The following RAD54L2 variants were observed in gnomAD, a reference collection of about 807,000 sequenced individuals.
RAD54L2 encodes the protein helicase ARIP4.
A neutral mutation model predicts 138.4 loss-of-function variants in RAD54L2; 27 were observed. The observed-to-expected ratio is 0.20, with a 90% CI of 0.14 to 0.27. The LOEUF (loss-of-function observed/expected upper bound fraction) is 0.27. RAD54L2 is among the 10% of genes least tolerant of loss of function. The pLI, the probability that RAD54L2 is intolerant of heterozygous loss-of-function variation, is 1.00. For missense variants in RAD54L2, 1,396 were observed against 1,890.2 expected, an observed-to-expected ratio of 0.74 and a Z score of 4.85; for synonymous variants, 644 against 723.2, an observed-to-expected ratio of 0.89 and a Z score of 1.76.
chr3:51,659,049 A>G (rs1044171804), intron 21 of RAD54L2, among the ~76,000 whole-genome samples: 1 of 151,590 alleles, frequency 6.6e-6, no homozygotes, highest in Non-Finnish European at 1.5e-5. Flanking sequence ...AGGAGTTACA[A>G]TAGAGACCTT....
intron 2 of RAD54L2, among the ~76,000 whole-genome samples, chr3:51,564,567 A>G (rs1175900464): frequency 2.6e-5 from 4 of 152,208 alleles, no homozygotes; most frequent in East Asian, 3.8e-4. Flanking sequence ...CAGTATTACT[A>G]GGATTCAGCA....
At chr3:51,564,609 T>TA (rs1476764756) in intron 2 of RAD54L2, among the ~76,000 whole-genome samples, 2 of 152,162 alleles carry the variant, frequency 1.3e-5, no homozygotes, top group Non-Finnish European at 1.5e-5. Context: ...GGCTTAACTA[T>TA]ATAGCCTGTT....
Position 51,667,734 on chromosome 3 carries a change from C to T in RAD54L2, c.*4314C>T, listed in dbSNP as rs1479428996. 1 of 152,322 alleles carries T rather than the reference C, an allele frequency of 6.6e-6. No individual in the cohort carries two copies. The highest frequency in any genetic ancestry group is 1.5e-5 in the Non-Finnish European group (1 of 68,094). 9.4% of individuals were successfully genotyped at this position (152,322 alleles called of 1,614,324 possible). On this transcript the variant is annotated 3_prime_UTR_variant, in exon 23 of 23. Transcript: ENST00000684192. Reference sequence around the variant, plus strand: ...TCTGCCCTGTGTATTCTGCTGTGATCCCCTTAACGGCTTTTCTGTGCTACT... The same window carrying T: ...TCTGCCCTGTGTATTCTGCTGTGATTCCCTTAACGGCTTTTCTGTGCTACT...
At chr3:51,572,895 C>T (rs771317720) in intron 2 of RAD54L2, among the ~76,000 whole-genome samples, 6 of 151,834 alleles carry the variant, frequency 4.0e-5, no homozygotes, top group Admixed American at 1.3e-4. Flanking sequence ...GCCTCAGCCT[C>T]CCAAAGTGCT....
chr3:51,613,022 C>T (rs1700364614), intron 3 of RAD54L2, among the ~76,000 whole-genome samples: 3 of 152,132 alleles, frequency 2.0e-5, no homozygotes, highest in South Asian at 4.2e-4. Context: ...TCACTGCAAG[C>T]TCTGCCTCCC....
At chr3:51,546,652 A>C (rs1273780638) in intron 2 of RAD54L2, among the ~76,000 whole-genome samples, 2 of 152,238 alleles carry the variant, frequency 1.3e-5, no homozygotes, top group African/African-American at 4.8e-5. Flanking sequence ...AAAACAAAAA[A>C]CAAAAAACAC....
At chr3:51,593,428 G>A (rs1699883309) in intron 3 of RAD54L2, among the ~76,000 whole-genome samples, 3 of 151,552 alleles carry the variant, frequency 2.0e-5, no homozygotes, top group South Asian at 4.2e-4. Context: ...TTCCTCCCAG[G>A]TTTACGCCAT....
At chr3:51,624,157 TG>T (rs1453532957) in intron 3 of RAD54L2, among the ~76,000 whole-genome samples, 1 of 151,890 alleles carries the variant, frequency 6.6e-6, no homozygotes, top group Non-Finnish European at 1.5e-5. Context: ...GTTTTTTGTT[TG>T]TTTGTTTGTT....
chr3:51,629,254 G>A, intron 4 of RAD54L2, 80 bp from the exon 5 acceptor site: 2 of 1,442,212 alleles, frequency 1.4e-6, no homozygotes, highest in Admixed American at 2.1e-5. Flanking sequence ...ATCATCAATG[G>A]CTATTTCTCT....
Position 51,637,584 on chromosome 3 carries a change from TAGGGTGTTGGAGTAGG to T in RAD54L2, c.1682+86_1682+101del. On this transcript the variant is annotated intron_variant, in intron 11 of 22. Coordinates refer to ENST00000684192, the MANE Select transcript of RAD54L2 (RefSeq NM_015106.4). The surrounding 1 kb of genome is among the most constrained non-coding windows in gnomAD (Gnocchi z 5.9). ...GGCATGCCAAACCTGTTATACAGGATAGGGTGTTGGAGTAGGAGGGCCCCTTCCCTGGGGCAGTAGT... is the reference window on the plus strand; with the variant it reads ...GGCATGCCAAACCTGTTATACAGGATAGGGCCCCTTCCCTGGGGCAGTAGT... The T allele has an allele frequency of 7.1e-7, 1 of 1,399,976 alleles. No homozygotes were observed. 86.7% of individuals were successfully genotyped at this position (1,399,976 alleles called of 1,614,324 possible). A position where few individuals can be genotyped will look rare whatever the true frequency, so the allele number is the denominator to read the frequency against.
chr3:51,563,409 GT>G (rs1699143273), intron 2 of RAD54L2, among the ~76,000 whole-genome samples: 1 of 152,164 alleles, frequency 6.6e-6, no homozygotes, highest in Non-Finnish European at 1.5e-5. Context: ...CTAGGAGACT[GT>G]TCCTTATTTT....
At position 51,656,125 on chromosome 3, in the gene RAD54L2, T is replaced by G. The variant is rs1353041746; in HGVS notation, c.3181T>G (p.Leu1061Val). The change falls in exon 20 of 23, where the codon TTG (leucine) becomes GTG (valine). Residue 1061 changes from leucine (L) to valine (V), a missense_variant. Physicochemically the swap from Leu to Val is conservative, Grantham distance 32 (BLOSUM62 1). Coordinates refer to ENST00000684192, the MANE Select transcript of RAD54L2 (RefSeq NM_015106.4). ...NPSMNFPINY[L>V]QRAGVLVQKV... ...ATCCATGAACTTTCCCATCAACTAC[T>G]TGCAGCGTGCAGGAGTCCTTGTGCA... 6.2e-7 allele frequency: 1 copy of G among 1,613,984 alleles called. No homozygotes were observed. The highest frequency in any genetic ancestry group is 1.7e-5 in the Admixed American group (1 of 60,028).
Position 51,641,254 on chromosome 3 carries a change from C to T in RAD54L2, c.2232-495C>T, listed in dbSNP as rs1455857048. Among the ~76,000 whole-genome samples the T allele has an allele frequency of 2.0e-4, 31 of 152,000 alleles. 1 individual carries two copies. The highest frequency in any genetic ancestry group is 2.0e-3 in the Admixed American group (31 of 15,270). On this transcript the variant is annotated intron_variant, in intron 14 of 22. Coordinates refer to ENST00000684192, the MANE Select transcript of RAD54L2 (RefSeq NM_015106.4). ...CTCCTGACCTCAGGTGATCCGCCCG[C>T]CTCGGCCTCCCAAGTGCTGGGATTA...
intron 2 of RAD54L2, among the ~76,000 whole-genome samples, chr3:51,578,870 G>A (rs1317047350): frequency 1.3e-5 from 2 of 152,172 alleles, no homozygotes; most frequent in African/African-American, 4.8e-5. Context: ...CCACCCTCAT[G>A]GCACCTGAGT....
chr3:51,547,852 G>A (rs994465986), intron 2 of RAD54L2, among the ~76,000 whole-genome samples: 6 of 151,844 alleles, frequency 4.0e-5, no homozygotes, highest in Admixed American at 2.0e-4. Flanking sequence ...CAAGTGCGGG[G>A]ATTACAGACG....
At chr3:51,617,722 A>G (rs1382141698) in intron 3 of RAD54L2, among the ~76,000 whole-genome samples, 1 of 152,116 alleles carries the variant, frequency 6.6e-6, no homozygotes, top group Admixed American at 6.6e-5. Context: ...CAAAAAATTT[A>G]AAAATTAGCC....
intron 3 of RAD54L2, among the ~76,000 whole-genome samples, chr3:51,600,618 ATAAAG>A (rs535364129): frequency 5.4e-4 from 82 of 152,160 alleles, no homozygotes; most frequent in Non-Finnish European, 9.4e-4. Context: ...TCTCAAAAAA[ATAAAG>A]TAAAACCTTG....
intron 2 of RAD54L2, among the ~76,000 whole-genome samples, chr3:51,548,068 A>G (rs1698745247): frequency 6.8e-6 from 1 of 146,316 alleles, no homozygotes. Context: ...ATTTTTTTGT[A>G]TTTTTAGTAG....
At chr3:51,573,248 G>C (rs1699382035) in intron 2 of RAD54L2, among the ~76,000 whole-genome samples, 1 of 152,046 alleles carries the variant, frequency 6.6e-6, no homozygotes, top group African/African-American at 2.4e-5. Context: ...GACAAGCCAA[G>C]TGAGACTTTT....
Sources: gnomAD v4.1 joint callset for allele counts (sites outside exome capture counted in the v4.1 genomes callset) on GRCh38, gnomAD v4.1.1 for gene constraint, Gnocchi (gnomAD v3.1) non-coding constraint, MANE v1.5 for transcripts, NCBI Gene and HGNC (gene_info 2026-07-23, HGNC 2026-07-21) for gene names.